The following HECW2 variants were observed in gnomAD, a reference collection of about 807,000 sequenced individuals.
HECW2 encodes E3 ubiquitin-protein ligase HECW2.
Under a neutral mutation model 175.2 loss-of-function variants are expected in HECW2, and 61 were observed. That is an observed-to-expected ratio of 0.35 (90% CI 0.28 to 0.43). The LOEUF (loss-of-function observed/expected upper bound fraction) is 0.43, where lower values mean the gene tolerates loss of function less well. HECW2 is among the 20% of genes least tolerant of loss of function. The probability of loss-of-function intolerance (pLI) is 1.00; values close to 1 mark genes in which losing one functional copy is unlikely to be tolerated. For missense variants in HECW2, 1,524 were observed against 2,000.5 expected (o/e 0.76, Z 4.54); for synonymous variants, 671 against 731.0 (o/e 0.92, Z 1.32).
chr2:196,515,064 C>T (rs1688100924), intron 1 of HECW2, among the ~76,000 whole-genome samples: 1 of 152,244 alleles, frequency 6.6e-6, no homozygotes, highest in African/African-American at 2.4e-5. Flanking sequence ...CTGGCCTCTC[C>T]AAGCCTCCAG....
intron 2 of HECW2, among the ~76,000 whole-genome samples, chr2:196,399,628 C>T (rs930726570): frequency 1.3e-5 from 2 of 152,188 alleles, no homozygotes; most frequent in African/African-American, 4.8e-5. Context: ...ACATAACCTG[C>T]CCAAGCTGAA....
intron 1 of HECW2, among the ~76,000 whole-genome samples, chr2:196,549,210 G>A (rs1203567949): frequency 6.6e-6 from 1 of 152,154 alleles, no homozygotes; most frequent in Non-Finnish European, 1.5e-5. Context: ...TAATTATAAA[G>A]GAAACACATG....
chr2:196,267,102 C>A (rs1363309031), intron 17 of HECW2, among the ~76,000 whole-genome samples: 1 of 152,154 alleles, frequency 6.6e-6, no homozygotes, highest in Non-Finnish European at 1.5e-5. Context: ...AGGAAACAGC[C>A]TGCTGCCAAA....
chr2:196,208,629 C>G (rs1368767341), intron 28 of HECW2, among the ~76,000 whole-genome samples: 2 of 152,184 alleles, frequency 1.3e-5, no homozygotes, highest in Admixed American at 6.5e-5. Context: ...AGGAGATCAC[C>G]TCTAACCCGA....
intron 2 of HECW2, among the ~76,000 whole-genome samples, chr2:196,349,374 T>C (rs921323361): frequency 6.6e-6 from 1 of 152,228 alleles, no homozygotes; most frequent in South Asian, 2.1e-4. Context: ...ACATTGGAGA[T>C]GTTAATACAT....
At chr2:196,454,228 C>T (rs2037785) in intron 1 of HECW2, among the ~76,000 whole-genome samples, 55,454 of 152,042 alleles carry the variant, frequency 0.36, 13,383 homozygotes, top group African/African-American at 0.7. Flanking sequence ...TTTATACATG[C>T]ATAATACATG....
chr2:196,230,093 G>A (rs993423379), intron 21 of HECW2, among the ~76,000 whole-genome samples: 1 of 152,196 alleles, frequency 6.6e-6, no homozygotes, highest in African/African-American at 2.4e-5. Flanking sequence ...CAATGGACCT[G>A]CCCTCTGGGG....
intron 4 of HECW2, among the ~76,000 whole-genome samples, chr2:196,332,611 C>G (rs1692407750): frequency 6.6e-6 from 1 of 152,104 alleles, no homozygotes; most frequent in Non-Finnish European, 1.5e-5. Flanking sequence ...GATCAGTGTT[C>G]AACAAACCGT....
intron 1 of HECW2, among the ~76,000 whole-genome samples, chr2:196,540,108 T>C (rs903943240): frequency 5.1e-4 from 78 of 152,124 alleles, no homozygotes; most frequent in African/African-American, 1.9e-3. Flanking sequence ...TCAACTTGAG[T>C]TGTACTATAT....
intron 3 of HECW2, 47 bp downstream of exon 3, chr2:196,343,610 T>C (rs1692842121): frequency 8.2e-7 from 1 of 1,215,584 alleles, no homozygotes; most frequent in Non-Finnish European, 1.2e-6. Context: ...TCTGCATACT[T>C]ATGCAATGTT....
Position 196,201,343 on chromosome 2 carries a change from G to A in HECW2, c.4653C>T (p.Ser1551=), listed in dbSNP as rs1422155863. The A allele has an allele frequency of 1.9e-6, 3 of 1,613,722 alleles. No homozygotes were observed. The highest frequency in any genetic ancestry group is 2.5e-6 in the Non-Finnish European group (3 of 1,179,644). ...FNRLDLPPYP[S]FSMLYEKLLT... ...ACAGTTTTTCATAAAGCATGGAAAA[G>A]GATGGGTAGGGAGGCAGATCCAGAC... Residue 1551 remains serine, a synonymous_variant, in exon 29 of 29, where the codon TCC becomes TCT. Transcript: ENST00000644978.
intron 1 of HECW2, among the ~76,000 whole-genome samples, chr2:196,526,599 C>G (rs1468712583): frequency 1.4e-5 from 2 of 146,424 alleles, no homozygotes; most frequent in Non-Finnish European, 3.0e-5. Context: ...TTTTCCCCAT[C>G]TTTGTGGTTT....
At chr2:196,309,306 T>C (rs72923369) in intron 10 of HECW2, among the ~76,000 whole-genome samples, 10,664 of 152,148 alleles carry the variant, frequency 0.07, 435 homozygotes, top group East Asian at 0.13. Context: ...TTATGACAAA[T>C]GGCAAAAGAA....
At position 196,319,898 on chromosome 2, in the gene HECW2, G is replaced by A. The variant is rs766686872; in HGVS notation, c.992C>T (p.Ser331Phe). 2.5e-6 allele frequency: 4 copies of A among 1,589,594 alleles called. No individual in the cohort carries two copies. The East Asian group carries it at 6.8e-5, about 27-fold the overall frequency. ...EVTSSVHEDA[S>F]PEAVGTILGV... ...AAGTATTGTGCCAACAGCTTCTGGA[G>A]AGGCATCTGAATGAGAAAACAGCAT... The change falls in exon 9 of 29, where the codon TCT becomes TTT. Residue 331 changes from serine to phenylalanine, a missense_variant. Physicochemically the swap from Ser to Phe is radical, Grantham distance 155 (BLOSUM62 -2). Around this residue, in one of 11 missense-constraint regions of HECW2, gnomAD observed 604 missense variants for 588.3 expected, o/e 1.03. Coordinates refer to ENST00000644978, the MANE Select transcript of HECW2 (RefSeq NM_001348768.2).
chr2:196,557,193 C>G (rs1689824259), intron 1 of HECW2, among the ~76,000 whole-genome samples: 1 of 152,088 alleles, frequency 6.6e-6, no homozygotes, highest in Admixed American at 6.6e-5. Flanking sequence ...GTCAGGAGTT[C>G]GAGACCAGCC....
chr2:196,578,549 C>G (rs1200692416), intron 1 of HECW2, among the ~76,000 whole-genome samples: 1 of 152,106 alleles, frequency 6.6e-6, no homozygotes, highest in East Asian at 1.9e-4. Flanking sequence ...AAAAAAGATT[C>G]ACACCAAGGT....
intron 9 of HECW2, 73 bp from the exon 10 acceptor site, chr2:196,317,442 C>A: frequency 1.9e-6 from 2 of 1,055,426 alleles, no homozygotes; most frequent in Non-Finnish European, 2.9e-6. Flanking sequence ...ATACAAAAAA[C>A]CTAACATAAT....
intron 1 of HECW2, among the ~76,000 whole-genome samples, chr2:196,507,298 GT>G (rs1218281042): frequency 1.3e-5 from 2 of 151,210 alleles, no homozygotes; most frequent in Non-Finnish European, 1.5e-5. Context: ...CTTTTTTGAG[GT>G]AAGTAATACC....
intron 1 of HECW2, among the ~76,000 whole-genome samples, chr2:196,446,964 A>G (rs1406907637): frequency 6.6e-6 from 1 of 152,228 alleles, no homozygotes; most frequent in African/African-American, 2.4e-5. Context: ...TAAGACTAGA[A>G]AAAGAATGAA....
Sources: allele counts gnomAD v4.1 joint callset (sites outside exome capture counted in the v4.1 genomes callset), GRCh38; gene constraint gnomAD v4.1.1; regional missense constraint gnomAD v4.1.1; transcripts MANE v1.5; gene names NCBI Gene and HGNC (gene_info 2026-07-23, HGNC 2026-07-21).